The following TUSC3 variants were observed in gnomAD, a reference collection of about 807,000 sequenced individuals.
TUSC3 encodes the protein dolichyl-diphosphooligosaccharide--protein glycosyltransferase subunit TUSC3.
TUSC3 carries 45 observed loss-of-function variants against 44.8 expected under a neutral mutation model. The observed-to-expected ratio is 1.00, with a 90% CI of 0.79 to 1.29. TUSC3 has a LOEUF of 1.29. Ranked by LOEUF, TUSC3 falls within the 50% of genes most tolerant of loss-of-function variation. The pLI, the probability that TUSC3 is intolerant of heterozygous loss-of-function variation, is 0.00. For synonymous variants in TUSC3, 212 were observed against 152.9 expected (o/e 1.39, Z -2.85); for missense variants, 519 against 437.9 (o/e 1.19, Z -1.65).
intron 6 of TUSC3, among the ~76,000 whole-genome samples, chr8:15,730,110 T>C (rs1810657018): frequency 6.6e-6 from 1 of 152,084 alleles, no homozygotes; most frequent in African/African-American, 2.4e-5. Flanking sequence ...ATAATCTAGA[T>C]GGAGATTTGT....
chr8:15,708,936 T>G (rs1419668502), intron 6 of TUSC3, among the ~76,000 whole-genome samples: 1 of 151,946 alleles, frequency 6.6e-6, no homozygotes, highest in Non-Finnish European at 1.5e-5. Context: ...GAGTCTTATG[T>G]AAAGTAAATT....
chr8:15,743,136 T>C (rs765467467), intron 7 of TUSC3, among the ~76,000 whole-genome samples: 3 of 152,216 alleles, frequency 2.0e-5, no homozygotes. Flanking sequence ...AAAATGCTTT[T>C]AGAAGAAAAA....
At chr8:15,598,922 T>C (rs865944069) in intron 1 of TUSC3, among the ~76,000 whole-genome samples, 1 of 151,982 alleles carries the variant, frequency 6.6e-6, no homozygotes, top group South Asian at 2.1e-4. Context: ...GGTTTTTGTG[T>C]GGACCTAAGT....
At chr8:15,445,706 T>A (rs1000230929) in intron 1 of TUSC3, among the ~76,000 whole-genome samples, 1 of 152,264 alleles carries the variant, frequency 6.6e-6, no homozygotes, top group Non-Finnish European at 1.5e-5. Context: ...GAGTCTCCTA[T>A]GTCTACTTCT....
At chr8:15,516,906 GGAGT>G (rs955985664) in intron 2 of TUSC3, among the ~76,000 whole-genome samples, 23 of 152,174 alleles carry the variant, frequency 1.5e-4, no homozygotes, top group African/African-American at 5.3e-4. Context: ...GTAATTTTAA[GGAGT>G]GAGATTAATA....
chr8:15,605,787 T>C (rs1250417921), intron 1 of TUSC3, among the ~76,000 whole-genome samples: 1 of 151,962 alleles, frequency 6.6e-6, no homozygotes, highest in Non-Finnish European at 1.5e-5. Flanking sequence ...TTGAGGGAAA[T>C]GTAAACAAAC....
At chr8:15,562,083 A>G (rs1320254391) in intron 1 of TUSC3, among the ~76,000 whole-genome samples, 1 of 152,212 alleles carries the variant, frequency 6.6e-6, no homozygotes, top group Non-Finnish European at 1.5e-5. Flanking sequence ...ATGGAAAAAC[A>G]GCAGCAGTAA....
At chr8:15,571,661 C>G (rs1001108337) in intron 1 of TUSC3, among the ~76,000 whole-genome samples, 5 of 152,092 alleles carry the variant, frequency 3.3e-5, no homozygotes, top group African/African-American at 1.2e-4. Flanking sequence ...TTGATTCCCT[C>G]TTTATTTCAT....
intron 1 of TUSC3, among the ~76,000 whole-genome samples, chr8:15,604,164 C>G (rs1804422112): frequency 6.6e-6 from 1 of 151,562 alleles, no homozygotes; most frequent in Non-Finnish European, 1.5e-5. Context: ...GAGTATTATG[C>G]AAATTAAAGA....
chr8:15,790,268 C>T, the TUSC3 span, among the ~76,000 whole-genome samples: 1 of 144,508 alleles, frequency 6.9e-6, no homozygotes, highest in African/African-American at 2.6e-5. Flanking sequence ...TCGCTGCAAC[C>T]TCCGCCTCCC....
intron 6 of TUSC3, among the ~76,000 whole-genome samples, chr8:15,713,407 T>A (rs188445498): frequency 4.6e-5 from 7 of 152,086 alleles, no homozygotes; most frequent in Admixed American, 1.3e-4. Flanking sequence ...AAAAGAAAGC[T>A]GACAATAAAC....
chr8:15,743,193 G>T (rs1167142724), intron 7 of TUSC3, among the ~76,000 whole-genome samples: 2 of 152,186 alleles, frequency 1.3e-5, no homozygotes, highest in Non-Finnish European at 2.9e-5. Flanking sequence ...AATGACATGT[G>T]TCATGTCTAT....
At chr8:15,463,932 C>T (rs17121470) in intron 1 of TUSC3, among the ~76,000 whole-genome samples, 240 of 152,278 alleles carry the variant, frequency 1.6e-3, no homozygotes, top group African/African-American at 5.1e-3. Flanking sequence ...CATTAGTGCG[C>T]TTGCACATTT....
chr8:15,526,038 A>T, intron 2 of TUSC3, among the ~76,000 whole-genome samples: 1 of 151,034 alleles, frequency 6.6e-6, no homozygotes, highest in Non-Finnish European at 1.5e-5. Context: ...TGGGAGATTC[A>T]TCTTTTTTTT....
chr8:15,681,174 C>T (rs1808414114), intron 6 of TUSC3, among the ~76,000 whole-genome samples: 1 of 144,572 alleles, frequency 6.9e-6, no homozygotes. Flanking sequence ...GATGTCAGCT[C>T]TTCTTTATTA....
At chr8:15,457,044 A>T (rs28369491) in intron 1 of TUSC3, among the ~76,000 whole-genome samples, 8,346 of 152,116 alleles carry the variant, frequency 0.055, 713 homozygotes, top group African/African-American at 0.18. Flanking sequence ...AGAAACCATC[A>T]TTCTCAGCAA....
chr8:15,622,777 T>G (rs1395234884), intron 1 of TUSC3, among the ~76,000 whole-genome samples: 1 of 151,964 alleles, frequency 6.6e-6, no homozygotes, highest in Non-Finnish European at 1.5e-5. Flanking sequence ...TCTTTGTCCT[T>G]TGGATAGCAA....
chr8:15,772,652 T>C, the TUSC3 span, among the ~76,000 whole-genome samples: 2 of 152,202 alleles, frequency 1.3e-5, no homozygotes, highest in Non-Finnish European at 2.9e-5. Context: ...CACTTCCTAA[T>C]TCTGTGGCAA....
intron 1 of TUSC3, among the ~76,000 whole-genome samples, chr8:15,468,462 A>G (rs980079019): frequency 1.3e-5 from 2 of 152,174 alleles, no homozygotes; most frequent in South Asian, 4.1e-4. Context: ...CTGCTTATGC[A>G]GAGACATGAT....
Sources: allele counts gnomAD v4.1 joint callset (sites outside exome capture counted in the v4.1 genomes callset), GRCh38; gene constraint gnomAD v4.1.1; transcripts MANE v1.5; gene names NCBI Gene and HGNC (gene_info 2026-07-23, HGNC 2026-07-21).